Variants in DPH6 observed in about 807,000 individuals in gnomAD.
DPH6 encodes diphthine--ammonia ligase.
In DPH6, 33 loss-of-function variants were observed where a neutral mutation model predicts 38.2. The observed-to-expected ratio is 0.86, with a 90% CI of 0.65 to 1.15. The LOEUF is 1.15. Among genes scored for constraint, DPH6 ranks in the 50% most tolerant of loss-of-function variants. DPH6 has a pLI of 0.00. For missense variants in DPH6, 325 were observed against 320.0 expected (o/e 1.02, Z -0.12); for synonymous variants, 108 against 103.0 (o/e 1.05, Z -0.30).
the DPH6 span, among the ~76,000 whole-genome samples, chr15:35,174,569 G>A: frequency 1.2e-4 from 19 of 152,290 alleles, no homozygotes; most frequent in South Asian, 1.0e-3. Flanking sequence ...GTTTCTATAG[G>A]CTTGAGGTTA....
intron 3 of DPH6, among the ~76,000 whole-genome samples, chr15:35,235,466 A>G (rs2051544798): frequency 6.6e-6 from 1 of 152,208 alleles, no homozygotes; most frequent in Non-Finnish European, 1.5e-5. Flanking sequence ...AAAAAATCCA[A>G]TAAAAATATT....
chr15:35,499,112 C>G (rs750573941), intron 3 of DPH6, among the ~76,000 whole-genome samples: 1 of 152,052 alleles, frequency 6.6e-6, no homozygotes, highest in African/African-American at 2.4e-5. Context: ...CTTGAGAAAG[C>G]CAGTCTATAC....
chr15:35,497,080 C>T (rs905459864), intron 3 of DPH6, among the ~76,000 whole-genome samples: 4 of 152,040 alleles, frequency 2.6e-5, no homozygotes, highest in African/African-American at 7.2e-5. Context: ...TTCATAGCTG[C>T]AATTTTATGT....
chr15:35,319,329 T>TA (rs968188659), intron 3 of DPH6, among the ~76,000 whole-genome samples: 8 of 152,142 alleles, frequency 5.3e-5, no homozygotes, highest in African/African-American at 1.7e-4. Context: ...AAAAAAGCAT[T>TA]AAAAAAAATC....
At chr15:35,388,622 T>G (rs2053006641) in intron 6 of DPH6, among the ~76,000 whole-genome samples, 1 of 152,262 alleles carries the variant, frequency 6.6e-6, no homozygotes, top group Admixed American at 6.5e-5. Flanking sequence ...TTCTAGTTTA[T>G]TTGCATAGAG....
chr15:35,201,660 C>T, the DPH6 span, among the ~76,000 whole-genome samples: 2 of 151,842 alleles, frequency 1.3e-5, no homozygotes, highest in Non-Finnish European at 3.0e-5. Flanking sequence ...AGACAAGAGT[C>T]TCGTGCAATT....
chr15:35,298,758 C>T (rs779493743), intron 3 of DPH6: 7 of 1,472,198 alleles, frequency 4.8e-6, no homozygotes, highest in Non-Finnish European at 6.6e-6. Context: ...CCCAAGTTAG[C>T]GAGGAAGGAG....
rs141279463 is a variant in DPH6, at chr15:35,472,571, C to T, written c.313-17751G>A. Among the ~76,000 whole-genome samples, 5 of 152,172 alleles carry T rather than the reference C, an allele frequency of 3.3e-5. No individual in the cohort carries two copies. In the East Asian group the frequency reaches 9.6e-4, roughly 29 times the overall value. On this transcript the variant is annotated intron_variant, in intron 3 of 8. Transcript: ENST00000256538. ...AAGCCCTCCTGGACACCAAACAGTACCTGCAAGGGGCTAACAATGAGTATG... is the reference window on the plus strand; with the variant it reads ...AAGCCCTCCTGGACACCAAACAGTATCTGCAAGGGGCTAACAATGAGTATG...
Position 35,255,955 on chromosome 15 carries a change from T to C in DPH6, n.201-35373A>G, listed in dbSNP as rs374599674. Among the ~76,000 whole-genome samples the C allele has an allele frequency of 1.5e-4, 23 of 152,192 alleles. 4 individuals are homozygous for C. The highest frequency in any genetic ancestry group is 5.8e-4 in the East Asian group (3 of 5,180). ...ATACATGATTTATGCATATATAAAA[T>C]TGACTTATAAATAAATATACAGTAT... On this transcript the variant is annotated intron_variant and non_coding_transcript_variant, in intron 3 of 3. Transcript: ENST00000560386.
At chr15:35,401,188 G>C in intron 6 of DPH6, 9 of 1,195,834 alleles carry the variant, frequency 7.5e-6, no homozygotes, top group Non-Finnish European at 1.1e-5. Context: ...AGTTAGGAAA[G>C]CCCTGTCAAA....
At chr15:35,513,722 T>A (rs957271066) in intron 3 of DPH6, among the ~76,000 whole-genome samples, 1 of 151,936 alleles carries the variant, frequency 6.6e-6, no homozygotes. Flanking sequence ...AACTTTGTTT[T>A]CTACAAAGTT....
At chr15:35,369,141 G>C (rs1243744520), downstream of DPH6, among the ~76,000 whole-genome samples, 5 of 151,622 alleles carry the variant, frequency 3.3e-5, no homozygotes, top group Non-Finnish European at 7.4e-5. Context: ...TTTTCAAAGA[G>C]ATGGTGGCCA....
the DPH6 span, among the ~76,000 whole-genome samples, chr15:35,193,483 A>G: frequency 2.0e-5 from 3 of 152,090 alleles, no homozygotes; most frequent in Non-Finnish European, 4.4e-5. Flanking sequence ...TTTTCTCTCC[A>G]TCTTATTTTT....
the DPH6 span, among the ~76,000 whole-genome samples, chr15:35,185,090 A>C: frequency 1.3e-5 from 2 of 152,120 alleles, no homozygotes; most frequent in Non-Finnish European, 2.9e-5. Context: ...GTGGGAAAAA[A>C]AAAACTCAAT....
intron 3 of DPH6, among the ~76,000 whole-genome samples, chr15:35,226,202 G>GTAA: frequency 6.6e-6 from 1 of 152,272 alleles, no homozygotes; most frequent in Middle Eastern, 3.4e-3. Flanking sequence ...AAATGTTCAT[G>GTAA]TATCTATTCG....
the DPH6 span, among the ~76,000 whole-genome samples, chr15:35,154,979 T>C: frequency 6.6e-6 from 1 of 152,190 alleles, no homozygotes; most frequent in Non-Finnish European, 1.5e-5. Flanking sequence ...GAAAATGTTC[T>C]TTTTCCCTCA....
At chr15:35,458,035 A>G (rs2054017977) in intron 3 of DPH6, among the ~76,000 whole-genome samples, 1 of 152,224 alleles carries the variant, frequency 6.6e-6, no homozygotes, top group Non-Finnish European at 1.5e-5. Context: ...ATCCTTGCAT[A>G]AACTTTAGTC....
intron 2 of DPH6, 102 bp downstream of exon 2, chr15:35,542,311 G>T: frequency 2.1e-6 from 2 of 957,982 alleles, no homozygotes; most frequent in Non-Finnish European, 3.1e-6. Flanking sequence ...AATATTTATT[G>T]GTTCTTTTTT....
At chr15:35,300,165 T>C (rs1460557962) in intron 3 of DPH6, among the ~76,000 whole-genome samples, 1 of 152,046 alleles carries the variant, frequency 6.6e-6, no homozygotes, top group African/African-American at 2.4e-5. Flanking sequence ...TGAACAAAAA[T>C]GGAAGATGGA....
Sources: gnomAD v4.1 joint callset for allele counts (sites outside exome capture counted in the v4.1 genomes callset) on GRCh38, gnomAD v4.1.1 for gene constraint, MANE v1.5 for transcripts, NCBI Gene and HGNC (gene_info 2026-07-23, HGNC 2026-07-21) for gene names.